EBF2: variants seen among roughly 807,000 people sequenced by gnomAD.
The protein encoded by EBF2 is EBF transcription factor 2, also known as transcription factor COE2.
In EBF2, 21 loss-of-function variants were observed where a neutral mutation model predicts 72.8. The ratio of observed to expected loss-of-function variants is 0.29; its 90% CI spans 0.20 to 0.42. EBF2 has a LOEUF of 0.42. Among genes scored for constraint, EBF2 ranks in the 10% least tolerant of loss-of-function variants. The pLI is 1.00. For synonymous variants in EBF2, 299 were observed against 274.2 expected (o/e 1.09, Z -0.89); for missense variants, 637 against 731.2 (o/e 0.87, Z 1.49).
At chr8:26,029,539 CCA>C (rs1805363374) in intron 6 of EBF2, among the ~76,000 whole-genome samples, 1 of 152,176 alleles carries the variant, frequency 6.6e-6, no homozygotes. Context: ...AGTTGGGGAA[CCA>C]TCCTCTCCCT....
At chr8:26,026,501 C>A (rs1310414868) in intron 6 of EBF2, among the ~76,000 whole-genome samples, 2 of 152,168 alleles carry the variant, frequency 1.3e-5, no homozygotes, top group Non-Finnish European at 2.9e-5. Context: ...GTGAAATGTT[C>A]TTGGGCCCAA....
Position 25,862,719 on chromosome 8 carries a change from C to G in EBF2, c.1088G>C (p.Arg363Thr). 1 of 1,594,608 alleles carries G rather than the reference C, an allele frequency of 6.3e-7. No individual in the cohort carries two copies. The highest frequency in any genetic ancestry group is 1.3e-5 in the African/African-American group (1 of 74,468). Residue 363 changes from arginine (R) to threonine (T), a missense_variant, in exon 11 of 16, where the codon AGA (arginine) becomes ACA (threonine). Coordinates refer to ENST00000520164, the MANE Select transcript of EBF2 (RefSeq NM_022659.4). ...VIPRHPGDPE[R>T]LAKEMLLKRA... ...TCCAAAGCACATTACCTTAGCTAAT[C>G]TCTCAGGATCTCCAGGATGCCTAGG...
chr8:25,980,565 G>C (rs559758389), intron 6 of EBF2, among the ~76,000 whole-genome samples: 3 of 152,182 alleles, frequency 2.0e-5, no homozygotes, highest in African/African-American at 7.2e-5. Context: ...TTACCGAATG[G>C]ATCCCAGTGG....
intron 6 of EBF2, among the ~76,000 whole-genome samples, chr8:26,005,284 TAATTATATA>T (rs1416164723): frequency 0.058 from 162 of 2,784 alleles, 4 homozygotes; most frequent in East Asian, 0.46. Context: ...TATAATTATA[TAATTATATA>T]ATTATATATA....
intron 7 of EBF2, among the ~76,000 whole-genome samples, chr8:25,899,977 C>T (rs1438791181): frequency 1.3e-5 from 2 of 152,144 alleles, no homozygotes; most frequent in African/African-American, 2.4e-5. Context: ...CTTGCTTTCT[C>T]ACAGGCCTGG....
intron 6 of EBF2, among the ~76,000 whole-genome samples, chr8:25,982,190 G>T (rs1004036902): frequency 5.3e-5 from 8 of 152,180 alleles, no homozygotes; most frequent in African/African-American, 1.9e-4. Context: ...AACAGTTGAA[G>T]TTCTTCTTTT....
chr8:25,857,940 A>T, intron 14 of EBF2: 1 of 361,252 alleles, frequency 2.8e-6, no homozygotes, highest in Non-Finnish European at 5.4e-6. Flanking sequence ...TATAACATGA[A>T]GAAAAAGTTC....
intron 10 of EBF2, among the ~76,000 whole-genome samples, chr8:25,870,238 T>C (rs1802410939): frequency 6.6e-6 from 1 of 152,076 alleles, no homozygotes; most frequent in South Asian, 2.1e-4. Flanking sequence ...AAATTCATCA[T>C]TGCCTAATTT....
intron 6 of EBF2, among the ~76,000 whole-genome samples, chr8:26,005,334 T>TA (rs1286797006): frequency 0.63 from 99 of 156 alleles, 24 homozygotes; most frequent in East Asian, 0.82. Flanking sequence ...TATAATTATA[T>TA]ATTATATATA....
At chr8:25,914,215 A>C (rs529914920) in intron 6 of EBF2, among the ~76,000 whole-genome samples, 3 of 152,228 alleles carry the variant, frequency 2.0e-5, no homozygotes, top group Non-Finnish European at 2.9e-5. Context: ...AAAACTCGCA[A>C]GTGATTGCTT....
At chr8:25,993,604 A>G (rs1804578523) in intron 6 of EBF2, among the ~76,000 whole-genome samples, 1 of 152,114 alleles carries the variant, frequency 6.6e-6, no homozygotes, top group African/African-American at 2.4e-5. Flanking sequence ...GTCTCAAGCT[A>G]CTTTCCAGTT....
intron 14 of EBF2, among the ~76,000 whole-genome samples, chr8:25,853,666 A>G (rs755479851): frequency 6.6e-6 from 1 of 152,144 alleles, no homozygotes; most frequent in Non-Finnish European, 1.5e-5. Context: ...GGTAGTCACG[A>G]CTGTGCCAAA....
chr8:25,938,497 G>T (rs932347780), intron 6 of EBF2, among the ~76,000 whole-genome samples: 1 of 151,714 alleles, frequency 6.6e-6, no homozygotes, highest in African/African-American at 2.4e-5. Flanking sequence ...AACCGTGTAA[G>T]ATACTAAGTC....
At chr8:26,000,449 C>T (rs1437937696) in intron 6 of EBF2, among the ~76,000 whole-genome samples, 1 of 152,210 alleles carries the variant, frequency 6.6e-6, no homozygotes, top group Non-Finnish European at 1.5e-5. Flanking sequence ...ATCACCAGTA[C>T]TGAGGCCATA....
chr8:25,910,817 G>T (rs913778030), intron 6 of EBF2, among the ~76,000 whole-genome samples: 1 of 152,234 alleles, frequency 6.6e-6, no homozygotes, highest in Non-Finnish European at 1.5e-5. Flanking sequence ...TAAGTGGGAG[G>T]AGGAAGAGGG....
At chr8:25,884,935 C>A (rs1353817891) in intron 10 of EBF2, among the ~76,000 whole-genome samples, 1 of 152,168 alleles carries the variant, frequency 6.6e-6, no homozygotes, top group Non-Finnish European at 1.5e-5. Context: ...AGAGACTACA[C>A]TATCTATAAA....
At position 25,861,150 on chromosome 8, in the gene EBF2, G is replaced by A; in HGVS notation, c.1241C>T (p.Ala414Val). The A allele has an allele frequency of 6.2e-7, 1 of 1,614,148 alleles. No individual in the cohort carries two copies. The highest frequency in any genetic ancestry group is 1.1e-5 in the South Asian group (1 of 91,062). Residue 414 changes from alanine to valine, a missense_variant, in exon 13 of 16, where the codon GCC becomes GTC. By Grantham distance (64) the Ala-to-Val change is moderately conservative. Coordinates refer to ENST00000520164, the MANE Select transcript of EBF2 (RefSeq NM_022659.4). ...ACTGTGCGCTGGGGAGCTAGAGAGG[G>A]CTGGAAGCTGGCTGGGATTCCTGGG... Reference protein sequence around the residue: ...SVPRNPSQLPALSSSPAHSGM... With the variant: ...SVPRNPSQLPVLSSSPAHSGM...
At chr8:25,929,130 G>A (rs1803438588) in intron 6 of EBF2, among the ~76,000 whole-genome samples, 1 of 152,168 alleles carries the variant, frequency 6.6e-6, no homozygotes, top group Non-Finnish European at 1.5e-5. Flanking sequence ...CCTCAGTGTT[G>A]AGCAGTGATC....
At chr8:26,043,067 C>A (rs1805632972) in intron 1 of EBF2, among the ~76,000 whole-genome samples, 1 of 152,234 alleles carries the variant, frequency 6.6e-6, no homozygotes, top group South Asian at 2.1e-4. Context: ...ACTCATGCTG[C>A]GTTTTCTGGC....
Sources: gnomAD v4.1 joint callset for allele counts (sites outside exome capture counted in the v4.1 genomes callset) on GRCh38, gnomAD v4.1.1 for gene constraint, MANE v1.5 for transcripts, NCBI Gene and HGNC (gene_info 2026-07-23, HGNC 2026-07-21) for gene names.